The following LRP1B variants were observed in gnomAD, a reference collection of about 807,000 sequenced individuals.
LRP1B encodes LDL receptor related protein 1B.
LRP1B carries 217 observed loss-of-function variants against 556.6 expected under a neutral mutation model. That is an observed-to-expected ratio of 0.39 (90% CI 0.35 to 0.44). The LOEUF (loss-of-function observed/expected upper bound fraction) is 0.44, where lower values mean the gene tolerates loss of function less well. Among genes scored for constraint, LRP1B ranks in the 20% least tolerant of loss-of-function variants. The pLI is 1.00. For missense variants in LRP1B, 5,053 were observed against 5,620.8 expected (o/e 0.90, Z 3.23); for synonymous variants, 2,047 against 1,865.8 (o/e 1.10, Z -2.50).
At chr2:140,802,580 C>T (rs1254762033) in intron 32 of LRP1B, among the ~76,000 whole-genome samples, 1 of 152,150 alleles carries the variant, frequency 6.6e-6, no homozygotes, top group Non-Finnish European at 1.5e-5. Flanking sequence ...GCTAACAGCA[C>T]AGCATACCTG....
At chr2:140,559,002 T>C (rs961494030) in intron 43 of LRP1B, among the ~76,000 whole-genome samples, 7 of 150,538 alleles carry the variant, frequency 4.6e-5, no homozygotes, top group Non-Finnish European at 1.0e-4. Context: ...TAAGGAAATA[T>C]AAGTATAGGC....
At chr2:141,526,966 T>G (rs528151690) in intron 2 of LRP1B, among the ~76,000 whole-genome samples, 1 of 152,204 alleles carries the variant, frequency 6.6e-6, no homozygotes, top group Admixed American at 6.6e-5. Context: ...ATCTCAGCAT[T>G]TCAGATTCTG....
chr2:141,672,441 A>T (rs1259103838), intron 2 of LRP1B, among the ~76,000 whole-genome samples: 2 of 152,164 alleles, frequency 1.3e-5, no homozygotes, highest in African/African-American at 4.8e-5. Flanking sequence ...ATTCTATGCT[A>T]TTTCTAGTCT....
intron 29 of LRP1B, among the ~76,000 whole-genome samples, chr2:140,847,382 A>T (rs1393314781): frequency 6.6e-6 from 1 of 152,230 alleles, no homozygotes; most frequent in Non-Finnish European, 1.5e-5. Context: ...CGTCTATTTC[A>T]TTAGATCTTT....
chr2:141,918,269 G>A (rs750475174), intron 1 of LRP1B, among the ~76,000 whole-genome samples: 10 of 151,676 alleles, frequency 6.6e-5, no homozygotes, highest in South Asian at 2.1e-4. Flanking sequence ...TGCTCGATAC[G>A]TTACAATGAA....
At chr2:141,390,181 C>A (rs1334582598) in intron 3 of LRP1B, among the ~76,000 whole-genome samples, 1 of 151,886 alleles carries the variant, frequency 6.6e-6, no homozygotes, top group Non-Finnish European at 1.5e-5. Context: ...CACCAATGAG[C>A]ACAGGAAAAG....
intron 2 of LRP1B, among the ~76,000 whole-genome samples, chr2:141,803,799 T>C (rs1246602590): frequency 6.6e-6 from 1 of 152,132 alleles, no homozygotes; most frequent in Non-Finnish European, 1.5e-5. Flanking sequence ...CTGACCTATG[T>C]CAAAGATAGA....
chr2:141,493,935 G>A (rs1474858750), intron 2 of LRP1B, among the ~76,000 whole-genome samples: 1 of 152,114 alleles, frequency 6.6e-6, no homozygotes, highest in Non-Finnish European at 1.5e-5. Flanking sequence ...AGTGTGTATT[G>A]CTAAGGTAAA....
chr2:140,756,442 C>G (rs1688742758), intron 35 of LRP1B, among the ~76,000 whole-genome samples: 1 of 151,846 alleles, frequency 6.6e-6, no homozygotes, highest in Admixed American at 6.6e-5. Flanking sequence ...GAATACAAAG[C>G]TATAGTAATC....
At chr2:141,390,452 A>G (rs1409529746) in intron 3 of LRP1B, among the ~76,000 whole-genome samples, 1 of 152,204 alleles carries the variant, frequency 6.6e-6, no homozygotes, top group Non-Finnish European at 1.5e-5. Flanking sequence ...TACATATCCA[A>G]AATAGTTTAA....
intron 47 of LRP1B, among the ~76,000 whole-genome samples, chr2:140,532,704 T>C (rs1231451452): frequency 6.6e-6 from 1 of 151,912 alleles, no homozygotes; most frequent in Non-Finnish European, 1.5e-5. Flanking sequence ...CCTTCTGTTT[T>C]TACCACTCTC....
At chr2:140,389,019 A>G (rs903426234) in intron 66 of LRP1B, among the ~76,000 whole-genome samples, 1 of 152,234 alleles carries the variant, frequency 6.6e-6, no homozygotes, top group African/African-American at 2.4e-5. Context: ...AGAGTAATTA[A>G]TATAAAACGC....
At chr2:141,838,302 C>T (rs1046325102) in intron 1 of LRP1B, among the ~76,000 whole-genome samples, 1 of 152,120 alleles carries the variant, frequency 6.6e-6, no homozygotes. Context: ...CCAGAACTGA[C>T]TCCTGGCCTA....
rs139042199 is a variant in LRP1B, at chr2:140,422,775, T to G, written c.10414+19729A>C. On this transcript the variant is annotated intron_variant, in intron 66 of 90. Transcript: ENST00000389484. Reference sequence around the variant, plus strand: ...GTTTTCTTGTTTAGATCGGGGATGATAGATGTGGCCCTACTTTAACCCGAT... The same window carrying G: ...GTTTTCTTGTTTAGATCGGGGATGAGAGATGTGGCCCTACTTTAACCCGAT... 4.4e-3 allele frequency among the ~76,000 whole-genome samples: 670 copies of G among 152,310 alleles called. 6 individuals are homozygous for G. The highest frequency in any genetic ancestry group is 0.015 in the African/African-American group (624 of 41,570).
chr2:140,596,104 G>T (rs572299387), intron 43 of LRP1B, among the ~76,000 whole-genome samples: 9 of 152,132 alleles, frequency 5.9e-5, no homozygotes, highest in African/African-American at 2.2e-4. Context: ...TATATAACAG[G>T]CCATAGTAGA....
At chr2:141,370,381 C>T (rs555886148) in intron 3 of LRP1B, among the ~76,000 whole-genome samples, 5 of 152,214 alleles carry the variant, frequency 3.3e-5, no homozygotes, top group African/African-American at 1.2e-4. Context: ...GGTTTTAGTT[C>T]ACATTTCCCT....
At chr2:140,737,997 C>T (rs1206358272) in intron 35 of LRP1B, among the ~76,000 whole-genome samples, 1 of 152,156 alleles carries the variant, frequency 6.6e-6, no homozygotes, top group Non-Finnish European at 1.5e-5. Context: ...TCCTCACTTT[C>T]TGTCTTTCTC....
chr2:141,499,289 A>C (rs920159407), intron 2 of LRP1B, among the ~76,000 whole-genome samples: 2 of 152,068 alleles, frequency 1.3e-5, no homozygotes, highest in Admixed American at 6.6e-5. Flanking sequence ...GGAAGTCAGA[A>C]TCTAAACTTA....
At chr2:140,294,616 C>T (rs750796357) in intron 84 of LRP1B, among the ~76,000 whole-genome samples, 1 of 152,106 alleles carries the variant, frequency 6.6e-6, no homozygotes, top group Non-Finnish European at 1.5e-5. Context: ...TAGGGAAGGG[C>T]AATTGGTGTG....
Sources: allele counts gnomAD v4.1 joint callset (sites outside exome capture counted in the v4.1 genomes callset), GRCh38; gene constraint gnomAD v4.1.1; transcripts MANE v1.5; gene names NCBI Gene and HGNC (gene_info 2026-07-23, HGNC 2026-07-21).